ERMP1: variants seen among roughly 807,000 people sequenced by gnomAD.
The protein encoded by ERMP1 is Felix-ina.
In ERMP1, 86 loss-of-function variants were observed where a neutral mutation model predicts 92.0. That is an observed-to-expected ratio of 0.93 (90% CI 0.79 to 1.12). The LOEUF (loss-of-function observed/expected upper bound fraction) is 1.12. ERMP1 is among the 50% of genes most tolerant of loss of function. The pLI, the probability that ERMP1 is intolerant of heterozygous loss-of-function variation, is 0.00. For missense variants in ERMP1, 1,342 were observed against 1,116.3 expected (o/e 1.20, Z -2.88); for synonymous variants, 530 against 412.8 (o/e 1.28, Z -3.44).
intron 11 of ERMP1, among the ~76,000 whole-genome samples, chr9:5,800,251 G>A (rs984488125): frequency 6.6e-6 from 1 of 152,310 alleles, no homozygotes; most frequent in Non-Finnish European, 1.5e-5. Flanking sequence ...TGTGTAGTAT[G>A]AGAACTTTTA....
intron 4 of ERMP1, 122 bp downstream of exon 4, chr9:5,823,774 T>C (rs1187662220): frequency 4.2e-6 from 3 of 712,476 alleles, no homozygotes; most frequent in East Asian, 2.7e-5. Context: ...CACCACCTCA[T>C]GCTTTAAAAA....
At chr9:5,824,146 C>T in intron 3 of ERMP1, 145 bp from the exon 4 acceptor site, 1 of 652,810 alleles carries the variant, frequency 1.5e-6, no homozygotes, top group Admixed American at 2.8e-5. Flanking sequence ...TATCCAAAGA[C>T]ATCTTCTGCT....
chr9:5,830,960 G>A lies in ERMP1; in HGVS notation c.407C>T (p.Thr136Ile), dbSNP rs1829916858. 1 of 1,613,938 alleles carries A rather than the reference G, an allele frequency of 6.2e-7. No individual in the cohort carries two copies. The highest frequency in any genetic ancestry group is 8.5e-7 in the Non-Finnish European group (1 of 1,179,948). ...TTGSPENEILTVHYLLEQIKL... is the reference protein window; with the variant it reads ...TTGSPENEILIVHYLLEQIKL... ...AATCTGTTCCAAAAGGTAGTGCACG[G>A]TCAGAATTTCATTTTCTGGACTTCC... The change falls in exon 2 of 15, where the codon ACC (threonine) becomes ATC (isoleucine). Residue 136 changes from threonine to isoleucine, a missense_variant. By Grantham distance (89) the Thr-to-Ile change is moderately conservative. Coordinates refer to ENST00000339450, the MANE Select transcript of ERMP1 (RefSeq NM_024896.3).
intron 4 of ERMP1, 84 bp from the exon 5 acceptor site, chr9:5,813,119 G>T: frequency 6.8e-7 from 1 of 1,469,166 alleles, no homozygotes; most frequent in South Asian, 1.2e-5. Context: ...ATAGAAAACA[G>T]TAAAAGTGGT....
chr9:5,845,158 TGTTGTG>T (rs1830220580), intron 6 of ERMP1, among the ~76,000 whole-genome samples: 1 of 148,236 alleles, frequency 6.7e-6, no homozygotes, highest in Admixed American at 6.7e-5. Flanking sequence ...TTTTTTTTGT[TGTTGTG>T]GTGGTGGTGG....
At chr9:5,797,486 A>G (rs1233453789) in intron 13 of ERMP1, among the ~76,000 whole-genome samples, 1 of 152,060 alleles carries the variant, frequency 6.6e-6, no homozygotes, top group Non-Finnish European at 1.5e-5. Flanking sequence ...TGTCTCTACT[A>G]AAAATACAAA....
intron 8 of ERMP1, among the ~76,000 whole-genome samples, chr9:5,807,993 T>TA (rs1034830169): frequency 8.6e-5 from 13 of 151,580 alleles, no homozygotes; most frequent in African/African-American, 1.5e-4. Context: ...TTGTTTTTTT[T>TA]AAAAAAAAAT....
intron 6 of ERMP1, among the ~76,000 whole-genome samples, chr9:5,844,288 T>C (rs1830207516): frequency 6.6e-6 from 1 of 152,114 alleles, no homozygotes. Flanking sequence ...TGTTCGTTTG[T>C]TTCAAGACAG....
intron 13 of ERMP1, among the ~76,000 whole-genome samples, chr9:5,792,862 C>T (rs1828258117): frequency 6.6e-6 from 1 of 152,056 alleles, no homozygotes; most frequent in Non-Finnish European, 1.5e-5. Context: ...GAACAATATA[C>T]AATGCTCAAT....
At chr9:5,834,095 C>T (rs897663165), upstream of ERMP1, among the ~76,000 whole-genome samples, 2 of 152,150 alleles carry the variant, frequency 1.3e-5, no homozygotes, top group African/African-American at 4.8e-5. Context: ...TGCTCTTGCC[C>T]ACCTCTCAGG....
chr9:5,829,214 C>T (rs1201523563), intron 2 of ERMP1, among the ~76,000 whole-genome samples: 2 of 147,774 alleles, frequency 1.4e-5, no homozygotes, highest in Admixed American at 1.3e-4. Context: ...ACTTGGCCCC[C>T]CAGCCAAAAA....
At chr9:5,808,605 G>C (rs1194887007) in intron 8 of ERMP1, among the ~76,000 whole-genome samples, 2 of 152,120 alleles carry the variant, frequency 1.3e-5, no homozygotes, top group Non-Finnish European at 2.9e-5. Context: ...ATCTTTATCA[G>C]GATAAATTGA....
At position 5,830,852 on chromosome 9, in the gene ERMP1, A is replaced by G. The variant is rs898148275; in HGVS notation, c.515T>C (p.Phe172Ser). 32 of 1,614,056 alleles carry G rather than the reference A, an allele frequency of 2.0e-5. No individual in the cohort carries two copies. Among genetic ancestry groups the G allele is most frequent in the Non-Finnish European group, 2.5e-5 (29 of 1,180,016 alleles). Residue 172 changes from phenylalanine to serine, a missense_variant, in exon 2 of 15, where the codon TTC becomes TCC. By Grantham distance (155) the Phe-to-Ser change is radical. Coordinates refer to ENST00000339450, the MANE Select transcript of ERMP1 (RefSeq NM_024896.3). ...ATAATAGCTTGTAAAACCTCCCAAG[A>G]AATCAATGCTAAAAGAGCCTGTGGG... ...QRPTGSFSID[F>S]LGGFTSYYDN...
At chr9:5,864,402 C>T (rs895660246) in intron 5 of ERMP1, among the ~76,000 whole-genome samples, 4 of 152,152 alleles carry the variant, frequency 2.6e-5, no homozygotes, top group Admixed American at 2.0e-4. Context: ...AGTACCCCCA[C>T]TCACCCTGCA....
At chr9:5,833,178 C>CA, upstream of ERMP1, 2 of 696,204 alleles carry the variant, frequency 2.9e-6, no homozygotes, top group Non-Finnish European at 2.2e-6. Flanking sequence ...CCCGCCGCGC[C>CA]AAGACCCAGC....
intron 13 of ERMP1, among the ~76,000 whole-genome samples, chr9:5,790,672 A>G (rs1031982798): frequency 6.6e-6 from 1 of 152,260 alleles, no homozygotes; most frequent in African/African-American, 2.4e-5. Flanking sequence ...TAAATATAAA[A>G]GGGGCACTTT....
chr9:5,790,449 A>T (rs1363872297), intron 13 of ERMP1, among the ~76,000 whole-genome samples: 3 of 152,254 alleles, frequency 2.0e-5, no homozygotes, highest in Non-Finnish European at 4.4e-5. Context: ...GAGTAATAAA[A>T]ATTAATGTAA....
chr9:5,801,412 A>T, intron 10 of ERMP1, 84 bp from the exon 11 acceptor site: 2 of 1,370,926 alleles, frequency 1.5e-6, no homozygotes, highest in Non-Finnish European at 2.0e-6. Flanking sequence ...TATTTTTAAC[A>T]GTATTACCTA....
At chr9:5,792,169 T>C (rs1035128321) in intron 13 of ERMP1, among the ~76,000 whole-genome samples, 1 of 152,128 alleles carries the variant, frequency 6.6e-6, no homozygotes, top group Non-Finnish European at 1.5e-5. Context: ...TCCCGAAATA[T>C]ACACAAAGTC....
Sources: allele counts gnomAD v4.1 joint callset (sites outside exome capture counted in the v4.1 genomes callset), GRCh38; gene constraint gnomAD v4.1.1; transcripts MANE v1.5; gene names NCBI Gene and HGNC (gene_info 2026-07-23, HGNC 2026-07-21).